The following DDX19B variants were observed in gnomAD, a reference collection of about 807,000 sequenced individuals.
DDX19B encodes ATP-dependent RNA helicase DDX19B.
A neutral mutation model predicts 58.1 loss-of-function variants in DDX19B; 27 were observed. The observed-to-expected ratio is 0.46, with a 90% CI of 0.34 to 0.64. The LOEUF is 0.64. Ranked by LOEUF, DDX19B falls within the 30% of genes least tolerant of loss-of-function variation. DDX19B has a pLI of 0.01. For missense variants in DDX19B, 399 were observed against 596.5 expected (o/e 0.67, Z 3.45); for synonymous variants, 187 against 214.4 (o/e 0.87, Z 1.12).
upstream of DDX19B, among the ~76,000 whole-genome samples, chr16:70,298,275 G>A (rs57439756): frequency 6.6e-6 from 1 of 151,774 alleles, no homozygotes; most frequent in East Asian, 2.0e-4. Flanking sequence ...GCATGGTGGC[G>A]CATGCTTGTA....
At chr16:70,295,592 A>AT (rs1961188975), upstream of DDX19B, among the ~76,000 whole-genome samples, 1 of 152,110 alleles carries the variant, frequency 6.6e-6, no homozygotes, top group Non-Finnish European at 1.5e-5. Context: ...TCTTCCTGGG[A>AT]TGAGTATACG....
In DDX19B at chr16:70,317,514, A is replaced by G. The variant is rs1382519147; in HGVS notation, c.315A>G (p.Gln105=). 6.2e-7 allele frequency: 1 copy of G among 1,613,092 alleles called. No homozygotes were observed. Among genetic ancestry groups the G allele is most frequent in the Admixed American group, 1.7e-5 (1 of 59,900 alleles). The change falls in exon 5 of 12, where the codon CAA becomes CAG. Residue 105 remains glutamine (Q), a synonymous_variant. Coordinates refer to ENST00000288071, the MANE Select transcript of DDX19B (RefSeq NM_007242.7). ...TTTCTAGGAAACCACAGCTTCTCCA[A>G]GGAGTCTATGCCATGGGTTTCAATC... ...EELRLKPQLL[Q]GVYAMGFNRP...
chr16:70,298,923 TATATTCA>T (rs374137856), upstream of DDX19B: 431 of 229,308 alleles, frequency 1.9e-3, 5 homozygotes, highest in African/African-American at 9.5e-3. Flanking sequence ...TCTGTTTTGA[TATATTCA>T]ATCTGTTCAA....
chr16:70,308,747 A>G (rs779141976), intron 1 of DDX19B, among the ~76,000 whole-genome samples: 16 of 151,824 alleles, frequency 1.1e-4, no homozygotes, highest in South Asian at 8.3e-4. Context: ...TCCTGGCCTC[A>G]AGGGAGCCTC....
In DDX19B at chr16:70,314,969, G is replaced by A. The variant is rs762516819; in HGVS notation, c.160+14G>A. 6.2e-7 allele frequency: 1 copy of A among 1,606,098 alleles called. No homozygotes were observed. The highest frequency in any genetic ancestry group is 8.5e-7 in the Non-Finnish European group (1 of 1,174,824). On this transcript the variant is annotated intron_variant, in intron 3 of 11. Transcript: ENST00000288071. Reference sequence around the variant, plus strand: ...AAGAAGAGAAAGGTAACACAGCCGTGGAGCTTTATATAATAACAAGCTTCT... The same window carrying A: ...AAGAAGAGAAAGGTAACACAGCCGTAGAGCTTTATATAATAACAAGCTTCT...
At chr16:70,292,051 T>C (rs748687071), upstream of DDX19B, among the ~76,000 whole-genome samples, 14 of 152,080 alleles carry the variant, frequency 9.2e-5, no homozygotes, top group South Asian at 1.2e-3. Context: ...CTCAAGAGGC[T>C]GAGGAAGGAG....
upstream of DDX19B, among the ~76,000 whole-genome samples, chr16:70,294,334 G>A (rs890640747): frequency 6.6e-6 from 1 of 152,020 alleles, no homozygotes; most frequent in African/African-American, 2.4e-5. Flanking sequence ...ACCCGCCTCG[G>A]CCTCCCAAAG....
intron 1 of DDX19B, among the ~76,000 whole-genome samples, chr16:70,303,959 T>G (rs984981874): frequency 4.6e-5 from 7 of 152,208 alleles, no homozygotes; most frequent in African/African-American, 9.6e-5. Context: ...AGAAGTCTTA[T>G]AGTTTTAAAT....
chr16:70,316,661 A>G (rs925978939), intron 4 of DDX19B, among the ~76,000 whole-genome samples: 1 of 152,204 alleles, frequency 6.6e-6, no homozygotes, highest in Non-Finnish European at 1.5e-5. Flanking sequence ...TCTAAAAAAT[A>G]TACATAAATA....
rs1962388757 is a variant in DDX19B at position 70,316,115 on chromosome 16, A to C, written c.296+11A>C. Reference sequence around the variant, plus strand: ...TGAAGAGCTTCGGCTGTGAGTATTTATTCACCTTCTGACTCTTCCCCTTTG... The same window carrying C: ...TGAAGAGCTTCGGCTGTGAGTATTTCTTCACCTTCTGACTCTTCCCCTTTG... On this transcript the variant is annotated intron_variant, in intron 4 of 11. Coordinates refer to ENST00000288071, the MANE Select transcript of DDX19B (RefSeq NM_007242.7). 1 of 1,613,510 alleles carries C rather than the reference A, an allele frequency of 6.2e-7. No homozygotes were observed. The highest frequency in any genetic ancestry group is 8.5e-7 in the Non-Finnish European group (1 of 1,179,954).
At chr16:70,317,379 C>A in intron 4 of DDX19B, 117 bp from the exon 5 acceptor site, 1 of 736,972 alleles carries the variant, frequency 1.4e-6, no homozygotes, top group African/African-American at 1.8e-5. Context: ...AGACTCTGCT[C>A]AAAAACAAAC....
At chr16:70,330,283 A>G (rs768542983) in intron 9 of DDX19B, among the ~76,000 whole-genome samples, 4 of 152,154 alleles carry the variant, frequency 2.6e-5, no homozygotes, top group Non-Finnish European at 5.9e-5. Context: ...TAATTTTTAG[A>G]TTTTTAAGAA....
chr16:70,294,942 C>A, upstream of DDX19B: 1 of 1,488,436 alleles, frequency 6.7e-7, no homozygotes. Context: ...GGGTAGAAGC[C>A]AGACCCTTTC....
intron 1 of DDX19B, among the ~76,000 whole-genome samples, chr16:70,310,445 G>T (rs1962021787): frequency 6.6e-6 from 1 of 152,126 alleles, no homozygotes; most frequent in Admixed American, 6.6e-5. Context: ...GGAGGCTAAG[G>T]CAGGAGGATT....
intron 1 of DDX19B, among the ~76,000 whole-genome samples, chr16:70,307,685 G>A (rs1961836244): frequency 1.3e-5 from 2 of 151,198 alleles, no homozygotes; most frequent in Admixed American, 1.3e-4. Flanking sequence ...ATGTGTGTGT[G>A]TGTGTGTGTA....
chr16:70,317,036 C>G (rs1962459888), intron 4 of DDX19B, among the ~76,000 whole-genome samples: 1 of 151,922 alleles, frequency 6.6e-6, no homozygotes. Flanking sequence ...GAAACCCCAT[C>G]TCTACTAAAA....
chr16:70,325,223 C>T (rs939357360), intron 6 of DDX19B, among the ~76,000 whole-genome samples: 1 of 152,150 alleles, frequency 6.6e-6, no homozygotes, highest in African/African-American at 2.4e-5. Context: ...CCTTTACTTG[C>T]AGGAAAACCT....
chr16:70,298,871 T>A (rs1961329908), upstream of DDX19B, among the ~76,000 whole-genome samples: 1 of 152,150 alleles, frequency 6.6e-6, no homozygotes, highest in Non-Finnish European at 1.5e-5. Context: ...GGGAAACAGC[T>A]CTGTGCTTGT....
upstream of DDX19B, among the ~76,000 whole-genome samples, chr16:70,293,515 G>T (rs1437416228): frequency 6.7e-6 from 1 of 150,286 alleles, no homozygotes; most frequent in African/African-American, 2.4e-5. Flanking sequence ...ACTCTCCCAT[G>T]GCATCTTAGC....
Sources: allele counts gnomAD v4.1 joint callset (sites outside exome capture counted in the v4.1 genomes callset), GRCh38; gene constraint gnomAD v4.1.1; transcripts MANE v1.5; gene names NCBI Gene and HGNC (gene_info 2026-07-23, HGNC 2026-07-21).